RANGAP1: variants seen among roughly 807,000 people sequenced by gnomAD.
The protein encoded by RANGAP1 is Ran GTPase activating protein 1, also known as ran GTPase-activating protein 1.
In RANGAP1, 38 loss-of-function variants were observed where a neutral mutation model predicts 63.5. That is an observed-to-expected ratio of 0.60 (90% CI 0.46 to 0.78). The LOEUF (loss-of-function observed/expected upper bound fraction) is 0.78, where lower values mean the gene tolerates loss of function less well. Among genes scored for constraint, RANGAP1 ranks in the 30% least tolerant of loss-of-function variants. The pLI is 0.00. For missense variants in RANGAP1, 630 were observed against 740.3 expected (o/e 0.85, Z 1.73); for synonymous variants, 329 against 310.5 (o/e 1.06, Z -0.63).
Position 41,249,415 on chromosome 22 carries a change from C to T in RANGAP1, c.1609G>A (p.Gly537Ser), listed in dbSNP as rs751224904. The T allele has an allele frequency of 3.7e-6, 6 of 1,614,120 alleles. No individual in the cohort carries two copies. In the Admixed American group the frequency reaches 5.0e-5, roughly 13 times the overall value. The change falls in exon 15 of 16, where the codon GGC (glycine) becomes AGC (serine). Residue 537 changes from glycine (G) to serine (S), a missense_variant. Coordinates refer to ENST00000356244, the MANE Select transcript of RANGAP1 (RefSeq NM_002883.4). ...DKVKAIANLY[G>S]PLMALNHMVQ... ...ATGTGGTTCAGCGCCATCAGGGGGC[C>T]GTACAGGTTGGCAATGGCCTTGACC... is the stretch of plus-strand genomic sequence containing the variant.
intron 3 of RANGAP1, among the ~76,000 whole-genome samples, chr22:41,270,835 A>C (rs186627497): frequency 5.3e-5 from 8 of 152,352 alleles, no homozygotes; most frequent in Admixed American, 5.2e-4. Context: ...ACGTGGGTCC[A>C]CAGGGCCAGG....
At chr22:41,256,658 G>A (rs952793077) in intron 8 of RANGAP1, 53 bp downstream of exon 8, 21 of 1,505,746 alleles carry the variant, frequency 1.4e-5, no homozygotes, top group Middle Eastern at 1.7e-4. Context: ...GCCCCCAGCC[G>A]CCCCACCACC....
rs562989061 is a variant in RANGAP1, at chr22:41,264,141, C to T, written c.480+523G>A. Among the ~76,000 whole-genome samples, 5 of 152,332 alleles carry T rather than the reference C, an allele frequency of 3.3e-5. No individual in the cohort carries two copies. In the East Asian group the frequency reaches 5.8e-4, roughly 18 times the overall value. On this transcript the variant is annotated intron_variant, in intron 5 of 15. Transcript: ENST00000356244. Reference sequence around the variant, plus strand: ...GGGATGGAGTTGGAAGAGAATAATACGGCAGGCCGCCCTTGATGCAGGTTC... The same window carrying T: ...GGGATGGAGTTGGAAGAGAATAATATGGCAGGCCGCCCTTGATGCAGGTTC...
intron 1 of RANGAP1, 110 bp from the exon 2 acceptor site, chr22:41,281,192 G>A: frequency 8.2e-7 from 1 of 1,216,110 alleles, no homozygotes; most frequent in Non-Finnish European, 1.1e-6. Context: ...CCCCTGCTAT[G>A]GAGACCCTAG....
chr22:41,276,789 G>GTT lies in RANGAP1; in HGVS notation c.113-2063_113-2062insAA, dbSNP rs1216571133. The stretch of plus-strand genomic sequence containing the variant: ...TCAGGAGTTCAGGAGTTCAAGAACA[G>GTT]CCTGGCCAACATGGTAAACCCCGTC... On this transcript the variant is annotated intron_variant, in intron 2 of 15. Transcript: ENST00000356244. Among the ~76,000 whole-genome samples the GTT allele has an allele frequency of 2.0e-5, 3 of 151,790 alleles. No individual in the cohort carries two copies. In the East Asian group the frequency reaches 5.8e-4, roughly 29 times the overall value.
intron 5 of RANGAP1, 107 bp from the exon 6 acceptor site, chr22:41,261,687 G>A (rs2034178205): frequency 1.4e-6 from 2 of 1,413,758 alleles, no homozygotes; most frequent in Non-Finnish European, 2.0e-6. Flanking sequence ...ACCCATCGGT[G>A]CAGGTCAGGG....
At chr22:41,260,012 A>AT (rs139514) in intron 6 of RANGAP1, among the ~76,000 whole-genome samples, 63,474 of 146,684 alleles carry the variant, frequency 0.43, 13,772 homozygotes, top group Middle Eastern at 0.49. Context: ...CCTCAATAAA[A>AT]TTTTTTTTTT....
intron 13 of RANGAP1, 50 bp downstream of exon 13, chr22:41,250,957 A>G (rs2145683501): frequency 3.4e-6 from 5 of 1,464,512 alleles, no homozygotes; most frequent in Admixed American, 1.7e-5. Context: ...CCTGGGGCCC[A>G]CGAGCATCAA....
At chr22:41,290,202 T>C (rs2035823133), upstream of RANGAP1, among the ~76,000 whole-genome samples, 1 of 149,712 alleles carries the variant, frequency 6.7e-6, no homozygotes, top group Non-Finnish European at 1.5e-5. Flanking sequence ...GACAGGTCTC[T>C]AGGGTCCTTT....
chr22:41,286,523 G>A (rs2035755771), upstream of RANGAP1, among the ~76,000 whole-genome samples: 1 of 152,262 alleles, frequency 6.6e-6, no homozygotes, highest in Non-Finnish European at 1.5e-5. Context: ...AGCTCTTCCG[G>A]AAAGGTTTTG....
intron 3 of RANGAP1, among the ~76,000 whole-genome samples, chr22:41,271,915 C>T (rs964990121): frequency 6.6e-6 from 1 of 152,208 alleles, no homozygotes; most frequent in Non-Finnish European, 1.5e-5. Flanking sequence ...CTGCTTCCTG[C>T]ACAGAGGAGG....
chr22:41,263,134 A>C (rs1355641730), intron 5 of RANGAP1, among the ~76,000 whole-genome samples: 1 of 152,108 alleles, frequency 6.6e-6, no homozygotes, highest in Non-Finnish European at 1.5e-5. Context: ...CCTGGGTCCA[A>C]AACTCATTCC....
chr22:41,267,487 C>T (rs1404906312), intron 4 of RANGAP1, among the ~76,000 whole-genome samples: 2 of 152,148 alleles, frequency 1.3e-5, no homozygotes, highest in African/African-American at 4.8e-5. Flanking sequence ...GGCTGCCGAC[C>T]ACCAGCCCTG....
intron 2 of RANGAP1, among the ~76,000 whole-genome samples, chr22:41,279,124 CAG>C (rs1381000070): frequency 1.3e-5 from 2 of 151,970 alleles, no homozygotes; most frequent in African/African-American, 2.4e-5. Flanking sequence ...GCCTGGGTAA[CAG>C]AGCGAGACTC....
chr22:41,264,654 C>A lies in RANGAP1; in HGVS notation c.480+10G>T. On this transcript the variant is annotated intron_variant, in intron 5 of 15. Coordinates refer to ENST00000356244, the MANE Select transcript of RANGAP1 (RefSeq NM_002883.4). ...AGGGGACTCTGCGGGGAGGGGGCTG[C>A]CACACCCACCTTGCCGCCGCCAATG... is the stretch of plus-strand genomic sequence containing the variant. 6.2e-7 allele frequency: 1 copy of A among 1,607,054 alleles called. No homozygotes were observed. The highest frequency in any genetic ancestry group is 8.5e-7 in the Non-Finnish European group (1 of 1,174,874).
At chr22:41,249,897 C>CAGACACAGAACCACAGG in intron 13 of RANGAP1, 80 bp from the exon 14 acceptor site, 1 of 1,277,716 alleles carries the variant, frequency 7.8e-7, no homozygotes, top group East Asian at 2.4e-5. Flanking sequence ...CCCCCAACAC[C>CAGACACAGAACCACAGG]GCGCAGACAC....
intron 2 of RANGAP1, chr22:41,277,537 A>C (rs1195830788): frequency 1.1e-5 from 13 of 1,188,590 alleles, no homozygotes; most frequent in Non-Finnish European, 2.2e-6. Flanking sequence ...GGGAGGGAAG[A>C]GATAGAGATG....
chr22:41,249,821 T>C lies in RANGAP1; in HGVS notation c.1484-4A>G. 2 of 1,612,522 alleles carry C rather than the reference T, an allele frequency of 1.2e-6. No homozygotes were observed. Among genetic ancestry groups the C allele is most frequent in the Middle Eastern group, 1.7e-4 (1 of 6,060 alleles). ...AAAGCCTTCTGCATCAGGGCATCTG[T>C]AGGGCAGAAGCAGCAGGGGCAGGCT... On this transcript the variant is annotated splice_region_variant and splice_polypyrimidine_tract_variant and intron_variant, in intron 13 of 15. Transcript: ENST00000356244.
intron 3 of RANGAP1, among the ~76,000 whole-genome samples, chr22:41,271,128 G>A (rs934323123): frequency 2.6e-5 from 4 of 151,918 alleles, no homozygotes; most frequent in African/African-American, 9.7e-5. Context: ...ATTGGCTCAC[G>A]CCGATAATTC....
Sources: allele counts gnomAD v4.1 joint callset (sites outside exome capture counted in the v4.1 genomes callset), GRCh38; gene constraint gnomAD v4.1.1; transcripts MANE v1.5; gene names NCBI Gene and HGNC (gene_info 2026-07-23, HGNC 2026-07-21).